Variants in PNKD observed in about 807,000 individuals in gnomAD.
PNKD encodes the protein probable thioesterase PNKD.
In PNKD, 36 loss-of-function variants were observed where a neutral mutation model predicts 45.3. That is an observed-to-expected ratio of 0.80 (90% confidence interval 0.61 to 1.05). The LOEUF (loss-of-function observed/expected upper bound fraction) is 1.05, where lower values mean the gene tolerates loss of function less well. Ranked by LOEUF, PNKD falls within the 50% of genes least tolerant of loss-of-function variation. PNKD has a pLI of 0.00. For missense variants in PNKD, 511 were observed against 506.6 expected, an observed-to-expected ratio of 1.01 and a Z score of -0.08; for synonymous variants, 197 against 210.1, an observed-to-expected ratio of 0.94 and a Z score of 0.54.
chr2:218,291,227 A>C (rs1692907175), intron 2 of PNKD, among the ~76,000 whole-genome samples: 1 of 152,134 alleles, frequency 6.6e-6, no homozygotes, highest in African/African-American at 2.4e-5. Context: ...ATAGCACAGA[A>C]AGACAGGGCC....
At chr2:218,324,997 CTTTTTTTTTTTT>C (rs1167758595) in intron 2 of PNKD, among the ~76,000 whole-genome samples, 1 of 62,660 alleles carries the variant, frequency 1.6e-5, no homozygotes, top group African/African-American at 6.7e-5. Flanking sequence ...AAATAATTTT[CTTTTTTTTTTTT>C]TTTTTTTTTT....
Sources: gnomAD v4.1 joint callset for allele counts (sites outside exome capture counted in the v4.1 genomes callset) on GRCh38, gnomAD v4.1.1 for gene constraint, MANE v1.5 for transcripts, NCBI Gene and HGNC (gene_info 2026-07-23, HGNC 2026-07-21) for gene names.